Variants in MKX observed in about 807,000 individuals in gnomAD.
MKX encodes the protein homeobox protein Mohawk.
In MKX, 13 loss-of-function variants were observed where a neutral mutation model predicts 36.0. The ratio of observed to expected loss-of-function variants is 0.36; its 90% CI spans 0.24 to 0.57. The LOEUF is 0.57. MKX is among the 20% of genes least tolerant of loss of function. The probability of loss-of-function intolerance (pLI) is 0.79; values close to 1 mark genes in which losing one functional copy is unlikely to be tolerated. For synonymous variants in MKX, 176 were observed against 178.3 expected (o/e 0.99, Z 0.10); for missense variants, 458 against 456.4 (o/e 1.00, Z -0.03).
intron 5 of MKX, among the ~76,000 whole-genome samples, chr10:27,733,750 G>A (rs1834686826): frequency 6.6e-6 from 1 of 152,232 alleles, no homozygotes; most frequent in Non-Finnish European, 1.5e-5. Flanking sequence ...TCTGGGAACT[G>A]AAGTCAAGAT....
intron 5 of MKX, among the ~76,000 whole-genome samples, chr10:27,694,694 C>CAA (rs59324478): frequency 0.67 from 76,175 of 114,006 alleles, 26,822 homozygotes; most frequent in Non-Finnish European, 0.79. Flanking sequence ...GACTCTGTCT[C>CAA]AAAAAAAAAA....
chr10:27,727,153 G>A (rs12358501), intron 5 of MKX, among the ~76,000 whole-genome samples: 21,357 of 152,246 alleles, frequency 0.14, 2,016 homozygotes, highest in Non-Finnish European at 0.21. Context: ...GGACAAAAAT[G>A]TCAGAAGCAA....
At chr10:27,721,118 C>G (rs961738307) in intron 5 of MKX, among the ~76,000 whole-genome samples, 2 of 152,072 alleles carry the variant, frequency 1.3e-5, no homozygotes, top group Non-Finnish European at 2.9e-5. Flanking sequence ...ATATAAATAT[C>G]ATGGACAAAA....
chr10:27,728,981 C>T (rs901074636), intron 5 of MKX, among the ~76,000 whole-genome samples: 4 of 152,172 alleles, frequency 2.6e-5, no homozygotes, highest in Non-Finnish European at 5.9e-5. Flanking sequence ...TGGATACTAC[C>T]TCCCAGAGTG....
chr10:27,690,855 C>T (rs1564347391), intron 5 of MKX, among the ~76,000 whole-genome samples: 3 of 152,264 alleles, frequency 2.0e-5, no homozygotes, highest in East Asian at 3.9e-4. Flanking sequence ...TTGTAATCCC[C>T]ACATGTCGAG....
At chr10:27,701,544 A>C (rs893359190) in intron 5 of MKX, among the ~76,000 whole-genome samples, 2 of 145,602 alleles carry the variant, frequency 1.4e-5, no homozygotes, top group East Asian at 3.9e-4. Context: ...GTTTATTTAG[A>C]TATATAGATA....
chr10:27,679,866 T>G (rs1488326931), intron 5 of MKX, among the ~76,000 whole-genome samples: 1 of 152,132 alleles, frequency 6.6e-6, no homozygotes, highest in African/African-American at 2.4e-5. Context: ...TCAGCTCTTC[T>G]CTGGCTCAAG....
At chr10:27,714,270 A>G (rs1281159861) in intron 5 of MKX, among the ~76,000 whole-genome samples, 1 of 152,222 alleles carries the variant, frequency 6.6e-6, no homozygotes, top group Non-Finnish European at 1.5e-5. Context: ...TATGTAGAGC[A>G]GCTTGGAGCC....
intron 5 of MKX, among the ~76,000 whole-genome samples, chr10:27,681,497 T>C (rs902193610): frequency 1.3e-5 from 2 of 152,114 alleles, no homozygotes; most frequent in African/African-American, 4.8e-5. Context: ...GCTAAATGTA[T>C]AAAGTATAGC....
At chr10:27,682,152 G>A (rs1026392950) in intron 5 of MKX, among the ~76,000 whole-genome samples, 2 of 152,194 alleles carry the variant, frequency 1.3e-5, no homozygotes, top group East Asian at 1.9e-4. Flanking sequence ...TAACAAAAAT[G>A]TTTAGAAAGT....
chr10:27,712,932 G>A (rs763697497), intron 5 of MKX, among the ~76,000 whole-genome samples: 5 of 151,902 alleles, frequency 3.3e-5, no homozygotes, highest in African/African-American at 7.3e-5. Context: ...GCAAGGCCCT[G>A]TCTCTAAAAA....
At chr10:27,717,379 T>C (rs997464565) in intron 5 of MKX, among the ~76,000 whole-genome samples, 1 of 152,220 alleles carries the variant, frequency 6.6e-6, no homozygotes, top group Non-Finnish European at 1.5e-5. Flanking sequence ...TGTTCTCTGA[T>C]TTATAACTGT....
intron 5 of MKX, among the ~76,000 whole-genome samples, chr10:27,709,078 A>T (rs1836808079): frequency 6.6e-6 from 1 of 151,736 alleles, no homozygotes; most frequent in Non-Finnish European, 1.5e-5. Context: ...CTGAGGCAGG[A>T]GAATCACTTG....
rs1335248650 is a variant in MKX, at chr10:27,741,228, C to A, written c.348+117G>T. On this transcript the variant is annotated intron_variant, in intron 3 of 6. Coordinates refer to ENST00000419761, the MANE Select transcript of MKX (RefSeq NM_173576.3). The surrounding 1 kb of genome is among the most constrained non-coding windows in gnomAD (Gnocchi z 5.1). ...AGGTAATTCAGAAACTCCCACAGCTCGGCTCCATCCCTCTCCAGGTAGAAG... is the reference window on the plus strand; with the variant it reads ...AGGTAATTCAGAAACTCCCACAGCTAGGCTCCATCCCTCTCCAGGTAGAAG... 2 of 1,305,396 alleles carry A rather than the reference C, an allele frequency of 1.5e-6. No homozygotes were observed. Among genetic ancestry groups the A allele is most frequent in the African/African-American group, 3.0e-5 (2 of 67,006 alleles). The allele number at this position is 1,305,396 out of a possible 1,614,324, so 80.9% of individuals were successfully genotyped here. A position where few individuals can be genotyped will look rare whatever the true frequency, so the allele number is the denominator to read the frequency against.
intron 5 of MKX, among the ~76,000 whole-genome samples, chr10:27,724,791 A>ACACACACACACACC (rs775804611): frequency 3.4e-5 from 5 of 147,772 alleles, no homozygotes; most frequent in East Asian, 4.0e-4. Context: ...ACACACACAC[A>ACACACACACACACC]CCCCGCAGAA....
chr10:27,727,636 T>A (rs536615267), intron 5 of MKX, among the ~76,000 whole-genome samples: 2 of 152,362 alleles, frequency 1.3e-5, no homozygotes, highest in South Asian at 2.1e-4. Context: ...ATTCAAAGGG[T>A]CAGCATTTGT....
intron 5 of MKX, among the ~76,000 whole-genome samples, chr10:27,691,737 T>C (rs73604039): frequency 0.036 from 5,515 of 152,282 alleles, 322 homozygotes; most frequent in African/African-American, 0.13. Context: ...CCAGTGCTTA[T>C]GGTTTCCTTC....
intron 5 of MKX, among the ~76,000 whole-genome samples, chr10:27,727,233 A>G (rs1280181818): frequency 6.6e-6 from 1 of 152,230 alleles, no homozygotes; most frequent in African/African-American, 2.4e-5. Flanking sequence ...TTTATAAGCT[A>G]TATAGTATGA....
chr10:27,695,966 A>G (rs969873622), intron 5 of MKX, among the ~76,000 whole-genome samples: 1 of 151,568 alleles, frequency 6.6e-6, no homozygotes, highest in African/African-American at 2.4e-5. Flanking sequence ...TAGTAGTTAT[A>G]AAGACACAGA....
Sources: gnomAD v4.1 joint callset for allele counts (sites outside exome capture counted in the v4.1 genomes callset) on GRCh38, gnomAD v4.1.1 for gene constraint, Gnocchi (gnomAD v3.1) non-coding constraint, MANE v1.5 for transcripts, NCBI Gene and HGNC (gene_info 2026-07-23, HGNC 2026-07-21) for gene names.